The following HEATR3 variants were observed in gnomAD, a reference collection of about 807,000 sequenced individuals.
The protein encoded by HEATR3 is HEAT repeat containing 3.
A neutral mutation model predicts 72.8 loss-of-function variants in HEATR3; 56 were observed. That is an observed-to-expected ratio of 0.77 (90% confidence interval 0.62 to 0.96). HEATR3 has a LOEUF of 0.96. HEATR3 is among the 40% of genes least tolerant of loss of function. The pLI is 0.00. For synonymous variants in HEATR3, 331 were observed against 318.1 expected, an observed-to-expected ratio of 1.04 and a Z score of -0.43; for missense variants, 747 against 831.4, an observed-to-expected ratio of 0.90 and a Z score of 1.25.
At chr16:50,095,201 C>T (rs547765940) in intron 12 of HEATR3, among the ~76,000 whole-genome samples, 1 of 151,846 alleles carries the variant, frequency 6.6e-6, no homozygotes, top group Non-Finnish European at 1.5e-5. Flanking sequence ...GCAACCTCTG[C>T]CTCCTGGGTT....
chr16:50,077,877 A>ATTTTTTTTTTTTT (rs56374170), intron 6 of HEATR3, among the ~76,000 whole-genome samples: 13 of 104,328 alleles, frequency 1.2e-4, no homozygotes, highest in Admixed American at 2.5e-4. Flanking sequence ...AATGGATGTA[A>ATTTTTTTTTTTTT]TTTTTTTTTT....
chr16:50,072,710 A>T lies in HEATR3; in HGVS notation c.618A>T (p.Ser206=). The T allele has an allele frequency of 6.5e-7, 1 of 1,544,024 alleles. No individual in the cohort carries two copies. Among genetic ancestry groups the T allele is most frequent in the Non-Finnish European group, 9.0e-7 (1 of 1,115,914 alleles). ...CTACCAATGTTGACCTGGCTATTTC[A>T]GTAGGTAAGTGAAGAAAAGGTGATG... ...RFPTNVDLAI[S]VAYCLQTVTE... The change falls in exon 5 of 15, where the codon TCA becomes TCT. Residue 206 remains serine (S), a synonymous_variant. Transcript: ENST00000299192.
intron 11 of HEATR3, among the ~76,000 whole-genome samples, chr16:50,091,471 AC>A (rs1367074724): frequency 1.3e-5 from 2 of 151,724 alleles, no homozygotes; most frequent in African/African-American, 2.4e-5. Context: ...CGTCTAAAAA[AC>A]ATAATAATAA....
intron 5 of HEATR3, 138 bp downstream of exon 5, chr16:50,072,852 T>G: frequency 1.6e-6 from 1 of 636,568 alleles, no homozygotes. Flanking sequence ...CACCTGTTTT[T>G]TCTGGGTCTT....
rs1356350570 is a variant in HEATR3, at chr16:50,086,220, A to G, written c.1379A>G (p.Asn460Ser). The change falls in exon 11 of 15, where the codon AAC (asparagine) becomes AGC (serine). Residue 460 changes from asparagine to serine, a missense_variant. Around this residue, in one of 2 missense-constraint regions of HEATR3, gnomAD observed 586 missense variants for 708.8 expected, o/e 0.83. Coordinates refer to ENST00000299192, the MANE Select transcript of HEATR3 (RefSeq NM_182922.4). ...PTWKPLIRKM[N>S]TIQCRALFCL... ...TTGTTTCACTTCCTTTCCAGAATGA[A>G]CACTATTCAGTGCAGAGCCCTCTTC... is the stretch of plus-strand genomic sequence containing the variant. The G allele has an allele frequency of 1.3e-5, 21 of 1,575,572 alleles. No homozygotes were observed. Among genetic ancestry groups the G allele is most frequent in the Non-Finnish European group, 1.8e-5 (21 of 1,160,042 alleles).
intron 12 of HEATR3, among the ~76,000 whole-genome samples, chr16:50,098,801 A>G (rs80088571): frequency 0.11 from 16,761 of 152,098 alleles, 1,030 homozygotes; most frequent in African/African-American, 0.16. Context: ...TATTTGCTAT[A>G]CAGTGATATT....
intron 4 of HEATR3, 45 bp downstream of exon 4, chr16:50,070,335 G>A (rs375756833): frequency 1.9e-5 from 18 of 966,304 alleles, no homozygotes; most frequent in Non-Finnish European, 2.1e-5. Flanking sequence ...GCAGTACCCA[G>A]GCTGCTATTC....
intron 12 of HEATR3, among the ~76,000 whole-genome samples, chr16:50,099,687 T>A (rs1002681769): frequency 1.3e-5 from 2 of 152,202 alleles, no homozygotes; most frequent in African/African-American, 4.8e-5. Context: ...CAAGCGTTTC[T>A]TGTGCCTCAG....
chr16:50,089,944 C>T (rs1447478211), intron 11 of HEATR3, among the ~76,000 whole-genome samples: 7 of 152,122 alleles, frequency 4.6e-5, no homozygotes, highest in African/African-American at 1.4e-4. Flanking sequence ...GGATTACAGG[C>T]ATGAGCCACC....
chr16:50,067,694 G>C (rs570849932), intron 2 of HEATR3, among the ~76,000 whole-genome samples: 18 of 152,328 alleles, frequency 1.2e-4, no homozygotes, highest in African/African-American at 4.3e-4. Flanking sequence ...ATGGACTGCA[G>C]AGGGGGCAAG....
Position 50,078,972 on chromosome 16 carries a change from A to T in HEATR3, c.995A>T (p.His332Leu), listed in dbSNP as rs11645775. Reference sequence around the variant, plus strand: ...GATGATGAAATGGAAGGAATTTCTCATAAAAGAAGAGTCAGAAGGAAAACT... The same window carrying T: ...GATGATGAAATGGAAGGAATTTCTCTTAAAAGAAGAGTCAGAAGGAAAACT... ...IEDDEMEGIS[H>L]KRRVRRKTFV... Residue 332 changes from histidine to leucine, a missense_variant, in exon 7 of 15, where the codon CAT becomes CTT. This residue lies in a region of HEATR3 where 586 missense variants were observed against 708.8 expected (regional missense o/e 0.83). Coordinates refer to ENST00000299192, the MANE Select transcript of HEATR3 (RefSeq NM_182922.4). 1 of 1,613,870 alleles carries T rather than the reference A, an allele frequency of 6.2e-7. No homozygotes were observed. The highest frequency in any genetic ancestry group is 1.1e-5 in the South Asian group (1 of 90,990).
intron 2 of HEATR3, among the ~76,000 whole-genome samples, chr16:50,068,050 A>G (rs2150593700): frequency 6.6e-6 from 1 of 151,934 alleles, no homozygotes; most frequent in Non-Finnish European, 1.5e-5. Flanking sequence ...CAGTTGATGG[A>G]GGGGGGATAG....
chr16:50,101,106 C>CTTTTTTTTTTTTT (rs5816674), intron 13 of HEATR3, among the ~76,000 whole-genome samples: 3 of 144,342 alleles, frequency 2.1e-5, no homozygotes, highest in Non-Finnish European at 3.0e-5. Flanking sequence ...ACTTGCAAAG[C>CTTTTTTTTTTTTT]TTTTTTTTTT....
At position 50,072,691 on chromosome 16, in the gene HEATR3, A is replaced by G. The variant is rs145732474; in HGVS notation, c.599A>G (p.Asn200Ser). The G allele has an allele frequency of 2.7e-4, 436 of 1,596,006 alleles. No individual in the cohort carries two copies. The highest frequency in any genetic ancestry group is 1.2e-3 in the Middle Eastern group (7 of 6,002). Residue 200 changes from asparagine (N) to serine (S), a missense_variant, in exon 5 of 15, where the codon AAT (asparagine) becomes AGT (serine). Transcript: ENST00000299192. The part of the protein sequence containing the change: ...VLKYLSRFPT[N>S]VDLAISVAYC... ...AAGTATTTAAGTAGGTTTCCTACCAATGTTGACCTGGCTATTTCAGTAGGT... is the reference window on the plus strand; with the variant it reads ...AAGTATTTAAGTAGGTTTCCTACCAGTGTTGACCTGGCTATTTCAGTAGGT...
intron 14 of HEATR3, among the ~76,000 whole-genome samples, chr16:50,104,315 G>A (rs1000667882): frequency 3.3e-5 from 5 of 152,096 alleles, no homozygotes; most frequent in East Asian, 1.9e-4. Context: ...ACTGCAGCAC[G>A]GCTCTCTGGC....
At chr16:50,082,837 C>T (rs1216722265) in intron 7 of HEATR3, among the ~76,000 whole-genome samples, 1 of 150,788 alleles carries the variant, frequency 6.6e-6, no homozygotes, top group Non-Finnish European at 1.5e-5. Flanking sequence ...GAGTCTCACT[C>T]TGTTGCACAG....
chr16:50,081,377 G>T (rs778532726), intron 7 of HEATR3, among the ~76,000 whole-genome samples: 62 of 152,190 alleles, frequency 4.1e-4, no homozygotes, highest in Non-Finnish European at 7.9e-4. Flanking sequence ...TCTGGGAGGT[G>T]GAGGTTGCAG....
At chr16:50,081,795 G>A (rs1361351946) in intron 7 of HEATR3, among the ~76,000 whole-genome samples, 1 of 152,054 alleles carries the variant, frequency 6.6e-6, no homozygotes, top group African/African-American at 2.4e-5. Flanking sequence ...TTTTGTGGGG[G>A]CACATGCAAA....
At chr16:50,084,053 T>G (rs777023449) in intron 8 of HEATR3, 26 bp downstream of exon 8, 1 of 1,613,256 alleles carries the variant, frequency 6.2e-7, no homozygotes, top group Non-Finnish European at 8.5e-7. Flanking sequence ...CATTTAGACA[T>G]TTTCCCCCTG....
Sources: allele counts gnomAD v4.1 joint callset (sites outside exome capture counted in the v4.1 genomes callset), GRCh38; gene constraint gnomAD v4.1.1; regional missense constraint gnomAD v4.1.1; transcripts MANE v1.5; gene names NCBI Gene and HGNC (gene_info 2026-07-23, HGNC 2026-07-21).